MTUS2: variants seen among roughly 807,000 people sequenced by gnomAD.
MTUS2 encodes the protein microtubule associated scaffold protein 2.
Under a neutral mutation model 114.1 loss-of-function variants are expected in MTUS2, and 40 were observed. The ratio of observed to expected loss-of-function variants is 0.35; its 90% CI spans 0.27 to 0.46. The LOEUF (loss-of-function observed/expected upper bound fraction) is 0.46, where lower values mean the gene tolerates loss of function less well. MTUS2 is among the 20% of genes least tolerant of loss of function. The probability of loss-of-function intolerance (pLI) is 1.00; values close to 1 mark genes in which losing one functional copy is unlikely to be tolerated. For synonymous variants in MTUS2, 688 were observed against 672.0 expected, an observed-to-expected ratio of 1.02 and a Z score of -0.37; for missense variants, 1,679 against 1,705.4, an observed-to-expected ratio of 0.98 and a Z score of 0.27.
chr13:29,324,707 A>C lies in MTUS2; in HGVS notation c.2901A>C (p.Ser967=). Residue 967 remains serine (S), a synonymous_variant, in exon 7 of 16, where the codon TCA becomes TCC. Coordinates refer to ENST00000612955, the MANE Select transcript of MTUS2 (RefSeq NM_001033602.4). ...RVAASTTKLH[S]PGYPKQRTAA... ...CAGCTTCAACCACCAAGCTTCATTCACCAGGTATGTAAGAAATATGATGTG... is the reference window on the plus strand; with the variant it reads ...CAGCTTCAACCACCAAGCTTCATTCCCCAGGTATGTAAGAAATATGATGTG... 2 of 1,593,212 alleles carry C rather than the reference A, an allele frequency of 1.3e-6. No individual in the cohort carries two copies. The highest frequency in any genetic ancestry group is 1.7e-6 in the Non-Finnish European group (2 of 1,168,422).
intron 5 of MTUS2, among the ~76,000 whole-genome samples, chr13:29,176,585 G>A (rs1220548182): frequency 6.6e-6 from 1 of 152,170 alleles, no homozygotes; most frequent in African/African-American, 2.4e-5. Context: ...CCCACTCTCT[G>A]CTTCATGACA....
At chr13:29,070,685 CTTGTCTCTCTG>C (rs1360397473) in intron 4 of MTUS2, among the ~76,000 whole-genome samples, 7 of 103,088 alleles carry the variant, frequency 6.8e-5, no homozygotes, top group Non-Finnish European at 1.5e-4. Flanking sequence ...CTGTTTGAAA[CTTGTCTCTCTG>C]TTTGAAACTT....
At chr13:29,120,440 A>G (rs1376741009) in intron 5 of MTUS2, among the ~76,000 whole-genome samples, 5 of 152,080 alleles carry the variant, frequency 3.3e-5, no homozygotes, top group Non-Finnish European at 5.9e-5. Flanking sequence ...GACTATTTTT[A>G]TACTTGTATA....
At chr13:29,489,575 A>G (rs1299204262) in intron 11 of MTUS2, 2 of 152,208 alleles carry the variant, frequency 1.3e-5, no homozygotes, top group African/African-American at 4.8e-5. Flanking sequence ...TCGGCTACAC[A>G]TTGGAACCAC....
intron 6 of MTUS2, among the ~76,000 whole-genome samples, chr13:29,285,723 A>G (rs1264793783): frequency 6.6e-6 from 1 of 152,188 alleles, no homozygotes; most frequent in Non-Finnish European, 1.5e-5. Flanking sequence ...ATAAAAACCA[A>G]ACATCTTTGG....
chr13:29,191,744 A>G (rs898429925), intron 5 of MTUS2, among the ~76,000 whole-genome samples: 1 of 152,184 alleles, frequency 6.6e-6, no homozygotes, highest in Admixed American at 6.5e-5. Flanking sequence ...CCCCACGAAG[A>G]AAAATAAATA....
chr13:29,215,474 G>GT lies in MTUS2; in HGVS notation c.2645-66209dup, dbSNP rs71090232. ...TTGGAGTTTTCAGCATTTTTTTGCTGTTTTTTTTTTTTTTTTTTTTTCCCC... is the reference window on the plus strand; with the variant it reads ...TTGGAGTTTTCAGCATTTTTTTGCTGTTTTTTTTTTTTTTTTTTTTTTCCCC... On this transcript the variant is annotated intron_variant, in intron 5 of 15. Transcript: ENST00000612955. Among the ~76,000 whole-genome samples the GT allele has an allele frequency of 9.5e-3, 1,239 of 129,954 alleles. 9 individuals carry two copies. Among genetic ancestry groups the GT allele is most frequent in the East Asian group, 0.018 (76 of 4,326 alleles). The allele number at this position is 129,954 out of a possible 152,430, so 85.3% of individuals were successfully genotyped here. A position where few individuals can be genotyped will look rare whatever the true frequency, so the allele number is the denominator to read the frequency against.
At chr13:29,094,581 C>G (rs1002047175) in intron 4 of MTUS2, among the ~76,000 whole-genome samples, 1 of 152,026 alleles carries the variant, frequency 6.6e-6, no homozygotes, top group South Asian at 2.1e-4. Flanking sequence ...TTTTTCTTGG[C>G]TGGCTCAGCT....
chr13:28,883,883 G>A (rs982777098), intron 2 of MTUS2, among the ~76,000 whole-genome samples: 1 of 152,178 alleles, frequency 6.6e-6, no homozygotes, highest in Non-Finnish European at 1.5e-5. Flanking sequence ...GGAAGTTAGG[G>A]AAATAAAAAG....
intron 2 of MTUS2, among the ~76,000 whole-genome samples, chr13:29,013,915 T>C (rs1219506427): frequency 2.6e-5 from 4 of 152,264 alleles, no homozygotes; most frequent in Admixed American, 6.5e-5. Context: ...CAATGGCATA[T>C]TTTATTATAT....
At chr13:29,442,665 G>A (rs1281254669) in intron 9 of MTUS2, among the ~76,000 whole-genome samples, 3 of 115,638 alleles carry the variant, frequency 2.6e-5, no homozygotes, top group African/African-American at 6.4e-5. Context: ...GTTTCCCTCG[G>A]AAGTATTGAT....
intron 2 of MTUS2, among the ~76,000 whole-genome samples, chr13:28,988,478 T>G (rs754359004): frequency 2.0e-5 from 3 of 152,228 alleles, no homozygotes; most frequent in Non-Finnish European, 2.9e-5. Flanking sequence ...CTTTTCAATT[T>G]CTATCCCTAC....
chr13:29,423,936 C>T (rs1173086404), intron 8 of MTUS2, among the ~76,000 whole-genome samples: 1 of 151,630 alleles, frequency 6.6e-6, no homozygotes, highest in Non-Finnish European at 1.5e-5. Context: ...ACGATCTCGG[C>T]TCACGGCAAC....
At chr13:28,876,537 A>C (rs977882406) in intron 2 of MTUS2, among the ~76,000 whole-genome samples, 1 of 152,188 alleles carries the variant, frequency 6.6e-6, no homozygotes. Flanking sequence ...CACCGTCTAG[A>C]AGAAGAGAGA....
chr13:29,000,152 G>A (rs1885318410), intron 2 of MTUS2, among the ~76,000 whole-genome samples: 1 of 152,166 alleles, frequency 6.6e-6, no homozygotes, highest in Non-Finnish European at 1.5e-5. Context: ...AGGATTGGAG[G>A]ATCATATGGT....
intron 4 of MTUS2, among the ~76,000 whole-genome samples, chr13:29,061,808 A>G (rs1024560151): frequency 3.3e-5 from 5 of 152,024 alleles, no homozygotes; most frequent in Non-Finnish European, 7.4e-5. Context: ...TTGTTTTTTA[A>G]CTGTTTATGG....
At chr13:28,917,730 G>A (rs533242669) in intron 2 of MTUS2, among the ~76,000 whole-genome samples, 7 of 151,358 alleles carry the variant, frequency 4.6e-5, no homozygotes, top group South Asian at 2.1e-4. Context: ...CATTTATTTC[G>A]CTTTAATCTT....
intron 2 of MTUS2, among the ~76,000 whole-genome samples, chr13:28,935,985 G>A (rs944428012): frequency 6.6e-6 from 1 of 152,126 alleles, no homozygotes; most frequent in Non-Finnish European, 1.5e-5. Context: ...GGCCTTAAGT[G>A]ATCCTTCCGT....
intron 2 of MTUS2, among the ~76,000 whole-genome samples, chr13:28,868,429 T>C (rs1593257958): frequency 6.6e-6 from 1 of 152,178 alleles, no homozygotes; most frequent in South Asian, 2.1e-4. Flanking sequence ...CTCCATGTTA[T>C]ATTGCAGATT....
Sources: allele counts gnomAD v4.1 joint callset (sites outside exome capture counted in the v4.1 genomes callset), GRCh38; gene constraint gnomAD v4.1.1; transcripts MANE v1.5; gene names NCBI Gene and HGNC (gene_info 2026-07-23, HGNC 2026-07-21).